TGFBR3: variants seen among roughly 807,000 people sequenced by gnomAD.
The protein encoded by TGFBR3 is transforming growth factor beta receptor type 3.
A neutral mutation model predicts 87.9 loss-of-function variants in TGFBR3; 46 were observed. The observed-to-expected ratio is 0.52, with a 90% confidence interval of 0.41 to 0.67. The LOEUF is 0.67. Among genes scored for constraint, TGFBR3 ranks in the 30% least tolerant of loss-of-function variants. The pLI, the probability that TGFBR3 is intolerant of heterozygous loss-of-function variation, is 0.00. For missense variants in TGFBR3, 866 were observed against 1,041.9 expected (o/e 0.83, Z 2.32); for synonymous variants, 381 against 391.6 (o/e 0.97, Z 0.32).
chr1:91,708,704 G>A lies in TGFBR3; in HGVS notation c.2246C>T (p.Thr749Ile). The A allele has an allele frequency of 6.2e-7, 1 of 1,614,062 alleles. No homozygotes were observed. Among genetic ancestry groups the A allele is most frequent in the Non-Finnish European group, 8.5e-7 (1 of 1,179,952 alleles). The stretch of plus-strand genomic sequence containing the variant: ...ATGGTGGATCACAGCAAGGGGCTTA[G>A]TGAACGTCTTCTTATTCTGCATCAT... ...WAMMQNKKTF[T>I]KPLAVIHHEA... The change falls in exon 14 of 17, where the codon ACT becomes ATT. Residue 749 changes from threonine (T) to isoleucine (I), a missense_variant. By Grantham distance (89) the Thr-to-Ile change is moderately conservative. Coordinates refer to ENST00000212355, the MANE Select transcript of TGFBR3 (RefSeq NM_003243.5).
chr1:91,690,681 C>T lies in TGFBR3; in HGVS notation c.2437+4991G>A, dbSNP rs573167551. Reference sequence around the variant, plus strand: ...TCTATTTGCCAAATATAATTTGTTGCCATGTCAGTTTATTTTTATCAGTGC... The same window carrying T: ...TCTATTTGCCAAATATAATTTGTTGTCATGTCAGTTTATTTTTATCAGTGC... On this transcript the variant is annotated intron_variant, in intron 16 of 16. Coordinates refer to ENST00000212355, the MANE Select transcript of TGFBR3 (RefSeq NM_003243.5). Among the ~76,000 whole-genome samples the T allele has an allele frequency of 2.2e-3, 342 of 152,160 alleles. 1 individual carries two copies. The highest frequency in any genetic ancestry group is 8.0e-3 in the African/African-American group (334 of 41,514).
At chr1:91,893,611 A>T (rs975437623) in intron 2 of TGFBR3, among the ~76,000 whole-genome samples, 1 of 152,190 alleles carries the variant, frequency 6.6e-6, no homozygotes, top group African/African-American at 2.4e-5. Context: ...AAGATTCAGG[A>T]ATGAGTTAAA....
intron 4 of TGFBR3, among the ~76,000 whole-genome samples, chr1:91,752,526 C>T (rs1673582200): frequency 2.6e-5 from 4 of 152,098 alleles, no homozygotes; most frequent in Non-Finnish European, 4.4e-5. Context: ...CTTAGATACC[C>T]TTTTTTCCTT....
intron 4 of TGFBR3, among the ~76,000 whole-genome samples, chr1:91,747,702 A>G (rs1179188208): frequency 6.6e-6 from 1 of 152,196 alleles, no homozygotes; most frequent in Non-Finnish European, 1.5e-5. Flanking sequence ...TGTAGACGCA[A>G]TTAAACTCCA....
intron 1 of TGFBR3, among the ~76,000 whole-genome samples, chr1:91,868,092 A>AT (rs1168468845): frequency 1.3e-5 from 2 of 152,108 alleles, no homozygotes; most frequent in Non-Finnish European, 2.9e-5. Context: ...TAATTTTTGT[A>AT]TTTTTAGTAG....
intron 16 of TGFBR3, among the ~76,000 whole-genome samples, chr1:91,688,472 G>T (rs545938852): frequency 6.6e-6 from 1 of 152,276 alleles, no homozygotes; most frequent in Admixed American, 6.5e-5. Context: ...TATATTAGTT[G>T]TGTTTCCCTT....
At chr1:91,807,387 A>G (rs1675871902) in intron 2 of TGFBR3, among the ~76,000 whole-genome samples, 2 of 152,226 alleles carry the variant, frequency 1.3e-5, no homozygotes, top group African/African-American at 4.8e-5. Context: ...AGCAAAATCT[A>G]CATCCAAACC....
At chr1:91,784,368 T>A (rs991543129) in intron 3 of TGFBR3, among the ~76,000 whole-genome samples, 2 of 152,150 alleles carry the variant, frequency 1.3e-5, no homozygotes, top group Admixed American at 1.3e-4. Context: ...ATAACATCCT[T>A]GGTGCCATGC....
At position 91,752,865 on chromosome 1, in the gene TGFBR3, A is replaced by G. The variant is rs1186842678; in HGVS notation, c.384+5748T>C. Among the ~76,000 whole-genome samples, 3 of 152,076 alleles carry G rather than the reference A, an allele frequency of 2.0e-5. No homozygotes were observed. In the East Asian group the frequency reaches 5.8e-4, roughly 29 times the overall value. The stretch of plus-strand genomic sequence containing the variant: ...AAGTGAAACCCCATCTTTACAAAAA[A>G]AAAAGTCAAAAATTAGCTGGGTGTG... On this transcript the variant is annotated intron_variant, in intron 4 of 16. Coordinates refer to ENST00000212355, the MANE Select transcript of TGFBR3 (RefSeq NM_003243.5).
chr1:91,862,586 T>C (rs1277374095), intron 1 of TGFBR3, among the ~76,000 whole-genome samples: 1 of 152,192 alleles, frequency 6.6e-6, no homozygotes, highest in Non-Finnish European at 1.5e-5. Context: ...TGTGGTGGTT[T>C]GCCTAACTTG....
At position 91,861,697 on chromosome 1, in the gene TGFBR3, CAG is replaced by C; in HGVS notation, c.-113-55_-113-54del. On this transcript the variant is annotated intron_variant, in intron 1 of 16. Coordinates refer to ENST00000212355, the MANE Select transcript of TGFBR3 (RefSeq NM_003243.5). Reference sequence around the variant, plus strand: ...TTAATGAAGAAACTTCATAAACAAACAGACACTAAAATTAAACAGAGAATTTC... The same window carrying C: ...TTAATGAAGAAACTTCATAAACAAACACACTAAAATTAAACAGAGAATTTC... 4 of 673,142 alleles carry C rather than the reference CAG, an allele frequency of 5.9e-6. No individual in the cohort carries two copies. The South Asian group carries it at 6.4e-5, about 11-fold the overall frequency. 41.7% of individuals were successfully genotyped at this position (673,142 alleles called of 1,614,324 possible).
chr1:91,891,726 A>G (rs1679455601), intron 2 of TGFBR3, among the ~76,000 whole-genome samples: 1 of 152,156 alleles, frequency 6.6e-6, no homozygotes, highest in Admixed American at 6.6e-5. Context: ...CAGGATGCTG[A>G]TCTACAAACT....
At position 91,720,642 on chromosome 1, in the gene TGFBR3, T is replaced by A. The variant is rs556593022; in HGVS notation, c.1076-412A>T. The stretch of plus-strand genomic sequence containing the variant: ...TCATTAATATGTTTTAGTCTCTCCA[T>A]GTGTAACTGCAATGTGCACCTAAGA... On this transcript the variant is annotated intron_variant, in intron 8 of 16. Coordinates refer to ENST00000212355, the MANE Select transcript of TGFBR3 (RefSeq NM_003243.5). Among the ~76,000 whole-genome samples, 35 of 152,336 alleles carry A rather than the reference T, an allele frequency of 2.3e-4. 1 individual carries two copies. Among genetic ancestry groups the A allele is most frequent in the Admixed American group, 1.3e-3 (20 of 15,306 alleles).
At chr1:91,892,705 T>C (rs1679474864) in intron 2 of TGFBR3, among the ~76,000 whole-genome samples, 1 of 152,216 alleles carries the variant, frequency 6.6e-6, no homozygotes, top group Non-Finnish European at 1.5e-5. Context: ...ATCTTATCTG[T>C]GCTTGATTGT....
chr1:91,765,636 A>G (rs1360289530), intron 3 of TGFBR3, among the ~76,000 whole-genome samples: 1 of 152,218 alleles, frequency 6.6e-6, no homozygotes, highest in Non-Finnish European at 1.5e-5. Context: ...AAAGAAAAGA[A>G]AATAGAAAAT....
chr1:91,682,404 C>CTTTTTTTTTTTTTTT lies in TGFBR3; in HGVS notation c.*1320_*1334dup, dbSNP rs59188054. The stretch of plus-strand genomic sequence containing the variant: ...AGCATGATAATTCCCCCCTGGCATT[C>CTTTTTTTTTTTTTTT]TTTTTTTTTTTTTTTTTTTTTAACA... On this transcript the variant is annotated 3_prime_UTR_variant, in exon 17 of 17. Transcript: ENST00000212355. The CTTTTTTTTTTTTTTT allele has an allele frequency of 8.6e-6, 3 of 347,474 alleles. No individual in the cohort carries two copies. The highest frequency in any genetic ancestry group is 1.6e-5 in the Non-Finnish European group (3 of 184,914). The allele number at this position is 347,474 out of a possible 1,614,324, so 21.5% of individuals were successfully genotyped here.
intron 2 of TGFBR3, among the ~76,000 whole-genome samples, chr1:91,854,614 C>CA (rs948111070): frequency 1.3e-5 from 2 of 152,082 alleles, no homozygotes; most frequent in African/African-American, 4.8e-5. Flanking sequence ...GTTCTCACCA[C>CA]AAAAAATGAT....
intron 1 of TGFBR3, among the ~76,000 whole-genome samples, chr1:91,867,099 T>C (rs1403357159): frequency 6.6e-6 from 1 of 152,218 alleles, no homozygotes; most frequent in East Asian, 1.9e-4. Flanking sequence ...CACAGAGTTG[T>C]TGCAAGAATC....
intron 16 of TGFBR3, among the ~76,000 whole-genome samples, chr1:91,693,133 T>C (rs983126212): frequency 1.2e-4 from 19 of 152,218 alleles, no homozygotes; most frequent in African/African-American, 4.1e-4. Flanking sequence ...AGAACTATCA[T>C]GTGGTCCTGA....
Sources: allele counts gnomAD v4.1 joint callset (sites outside exome capture counted in the v4.1 genomes callset), GRCh38; gene constraint gnomAD v4.1.1; transcripts MANE v1.5; gene names NCBI Gene and HGNC (gene_info 2026-07-23, HGNC 2026-07-21).